Variants in ADGB observed in about 807,000 individuals in gnomAD.
The protein encoded by ADGB is androglobin, also known as calpain-7-like protein.
A neutral mutation model predicts 210.5 loss-of-function variants in ADGB; 172 were observed. The ratio of observed to expected loss-of-function variants is 0.82; its 90% CI spans 0.72 to 0.93. The LOEUF (loss-of-function observed/expected upper bound fraction) is 0.93. Ranked by LOEUF, ADGB falls within the 40% of genes least tolerant of loss-of-function variation. The pLI is 0.00. For missense variants in ADGB, 2,025 were observed against 1,964.8 expected (o/e 1.03, Z -0.58); for synonymous variants, 658 against 662.7 (o/e 0.99, Z 0.11).
rs1417740445 is a variant in ADGB, at chr6:146,769,039, A to G, written c.3770A>G (p.Gln1257Arg). The G allele has an allele frequency of 6.6e-7, 1 of 1,514,448 alleles. No individual in the cohort carries two copies. Among genetic ancestry groups the G allele is most frequent in the Non-Finnish European group, 8.9e-7 (1 of 1,120,448 alleles). 93.8% of individuals were successfully genotyped at this position (1,514,448 alleles called of 1,614,324 possible). A position where few individuals can be genotyped will look rare whatever the true frequency, so the allele number is the denominator to read the frequency against. The change falls in exon 29 of 36, where the codon CAG (glutamine) becomes CGG (arginine). Residue 1257 changes from glutamine to arginine, a missense_variant. Coordinates refer to ENST00000397944, the MANE Select transcript of ADGB (RefSeq NM_024694.4). ...TCACAGAATTACAAGTATATTATAC[A>G]GTGTTCGGTGTTGTATAACAGTTGG... ...TPLQNYKYII[Q>R]CSVLYNSWPL...
In ADGB at chr6:146,782,881, C is replaced by T. The variant is rs146972710; in HGVS notation, c.4035+689C>T. The stretch of plus-strand genomic sequence containing the variant: ...AGATTTTCAAGTAACCAAAAAACAG[C>T]GCACTCTAAACAAGATACCTATGAG... On this transcript the variant is annotated intron_variant, in intron 30 of 35. Transcript: ENST00000397944. 3.5e-3 allele frequency among the ~76,000 whole-genome samples: 537 copies of T among 152,190 alleles called. 6 individuals are homozygous for T. Among genetic ancestry groups the T allele is most frequent in the African/African-American group, 0.012 (509 of 41,526 alleles).
In ADGB at chr6:146,643,865, A is replaced by G. The variant is rs140368790; in HGVS notation, c.238-908A>G. On this transcript the variant is annotated intron_variant, in intron 2 of 35. Coordinates refer to ENST00000397944, the MANE Select transcript of ADGB (RefSeq NM_024694.4). ...CCTGAAACAACTTGGATGAATCTCC[A>G]GAGAATTATACTGACAGAAGAAAAG... Among the ~76,000 whole-genome samples the G allele has an allele frequency of 2.7e-3, 408 of 152,064 alleles. 2 individuals carry two copies. The highest frequency in any genetic ancestry group is 8.7e-3 in the African/African-American group (362 of 41,554).
chr6:146,599,021 T>TA lies in ADGB; in HGVS notation c.-19dup. The TA allele has an allele frequency of 6.5e-7, 1 of 1,549,592 alleles. No homozygotes were observed. Among genetic ancestry groups the TA allele is most frequent in the Non-Finnish European group, 8.7e-7 (1 of 1,145,072 alleles). ...AGGCTCTTTGCTCAGAGCTCAGCCC[T>TA]ACATAGATCGGCTTCTGCCATGGCC... is the stretch of plus-strand genomic sequence containing the variant. On this transcript the variant is annotated 5_prime_UTR_variant, in exon 1 of 36. Coordinates refer to ENST00000397944, the MANE Select transcript of ADGB (RefSeq NM_024694.4).
intron 3 of ADGB, among the ~76,000 whole-genome samples, chr6:146,652,800 T>C (rs1775721580): frequency 6.6e-6 from 1 of 152,162 alleles, no homozygotes; most frequent in Admixed American, 6.5e-5. Context: ...CTATCATGGC[T>C]AATATTAGTC....
intron 6 of ADGB, among the ~76,000 whole-genome samples, chr6:146,664,653 G>A (rs1775914588): frequency 6.6e-6 from 1 of 151,832 alleles, no homozygotes; most frequent in Admixed American, 6.6e-5. Flanking sequence ...TTGTTTTGTG[G>A]GAGAAAAATA....
chr6:146,745,486 A>G (rs1275462460), intron 25 of ADGB, among the ~76,000 whole-genome samples: 1 of 152,166 alleles, frequency 6.6e-6, no homozygotes, highest in Admixed American at 6.5e-5. Context: ...TGTCATGTCA[A>G]CAGAATACAT....
rs370568808 is a variant in ADGB, at chr6:146,717,002, C to T, written c.1861C>T (p.Pro621Ser). The T allele has an allele frequency of 2.6e-5, 40 of 1,551,426 alleles. No individual in the cohort carries two copies. The highest frequency in any genetic ancestry group is 2.5e-5 in the Non-Finnish European group (29 of 1,146,944). Residue 621 changes from proline to serine, a missense_variant, in exon 15 of 36, where the codon CCA becomes TCA. Transcript: ENST00000397944. ...ACAGGAAAAGTCACAGGAAGAACTT[C>T]CAACAACAAATAATAGTGTTTCTAA... The part of the protein sequence containing the change: ...ATQEKSQEEL[P>S]TTNNSVSKEI...
intron 35 of ADGB, among the ~76,000 whole-genome samples, chr6:146,809,697 C>T (rs1778273824): frequency 6.6e-6 from 1 of 151,890 alleles, no homozygotes; most frequent in Non-Finnish European, 1.5e-5. Flanking sequence ...GACAAGGATG[C>T]CAAAAATACA....
At chr6:146,760,607 A>G (rs1233167843) in intron 27 of ADGB, among the ~76,000 whole-genome samples, 1 of 151,950 alleles carries the variant, frequency 6.6e-6, no homozygotes, top group East Asian at 1.9e-4. Flanking sequence ...TTTTCATTTC[A>G]CTTGGATCAA....
chr6:146,601,182 C>G lies in ADGB; in HGVS notation c.74+2068C>G, dbSNP rs148600955. Among the ~76,000 whole-genome samples the G allele has an allele frequency of 4.6e-5, 7 of 152,242 alleles. No individual in the cohort carries two copies. The East Asian group carries it at 1.4e-3, about 29-fold the overall frequency. On this transcript the variant is annotated intron_variant, in intron 1 of 35. Coordinates refer to ENST00000397944, the MANE Select transcript of ADGB (RefSeq NM_024694.4). The stretch of plus-strand genomic sequence containing the variant: ...TTACACAATGGAAACTAGATCCCCA[C>G]TGGTAAGATGCAAACTCTCTTCTTA...
At chr6:146,714,089 C>T (rs1287864639) in intron 13 of ADGB, among the ~76,000 whole-genome samples, 2 of 152,010 alleles carry the variant, frequency 1.3e-5, no homozygotes, top group East Asian at 1.9e-4. Context: ...TGAATCTTGC[C>T]ACCCACAATT....
intron 29 of ADGB, among the ~76,000 whole-genome samples, chr6:146,769,395 T>G (rs1777621976): frequency 6.6e-6 from 1 of 152,194 alleles, no homozygotes; most frequent in Admixed American, 6.5e-5. Flanking sequence ...TAAAAATTAC[T>G]AATTGATTAT....
chr6:146,683,087 A>G (rs955502495), intron 9 of ADGB, among the ~76,000 whole-genome samples: 8 of 152,066 alleles, frequency 5.3e-5, no homozygotes, highest in Admixed American at 2.0e-4. Flanking sequence ...GAGTTTGGCT[A>G]TGGGATGACA....
chr6:146,760,026 T>C (rs953334830), intron 27 of ADGB, among the ~76,000 whole-genome samples: 4 of 151,840 alleles, frequency 2.6e-5, no homozygotes, highest in Admixed American at 1.3e-4. Context: ...CCTATGTGTT[T>C]CTAATGTTTT....
intron 3 of ADGB, among the ~76,000 whole-genome samples, chr6:146,651,689 C>G (rs994674769): frequency 6.6e-6 from 1 of 152,084 alleles, no homozygotes; most frequent in South Asian, 2.1e-4. Flanking sequence ...TCCACTTAAG[C>G]AGGAGAATTC....
At chr6:146,717,772 A>G (rs1264254072) in intron 16 of ADGB, among the ~76,000 whole-genome samples, 173 bp downstream of exon 16, 1 of 152,186 alleles carries the variant, frequency 6.6e-6, no homozygotes, top group African/African-American at 2.4e-5. Flanking sequence ...GCAAAATTCC[A>G]CTAGCTCATA....
intron 33 of ADGB, among the ~76,000 whole-genome samples, chr6:146,790,478 T>C (rs938184994): frequency 6.6e-6 from 1 of 152,186 alleles, no homozygotes; most frequent in Non-Finnish European, 1.5e-5. Context: ...TTACTTAGCA[T>C]CTTGTCCTCC....
chr6:146,643,860 T>G (rs1775556156), intron 2 of ADGB, among the ~76,000 whole-genome samples: 1 of 151,782 alleles, frequency 6.6e-6, no homozygotes, highest in Admixed American at 6.6e-5. Flanking sequence ...CTTGGATGAA[T>G]CTCCAGAGAA....
intron 11 of ADGB, 119 bp downstream of exon 11, chr6:146,691,409 T>TA: frequency 1.0e-5 from 1 of 100,378 alleles, no homozygotes; most frequent in African/African-American, 9.6e-5. Context: ...AAGCCTATGT[T>TA]TAATATATAT....
Sources: gnomAD v4.1 joint callset for allele counts (sites outside exome capture counted in the v4.1 genomes callset) on GRCh38, gnomAD v4.1.1 for gene constraint, MANE v1.5 for transcripts, NCBI Gene and HGNC (gene_info 2026-07-23, HGNC 2026-07-21) for gene names.